The following SEMA5B variants were observed in gnomAD, a reference collection of about 807,000 sequenced individuals.
The protein encoded by SEMA5B is semaphorin 5B, also known as semaphorin-5B.
In SEMA5B, 66 loss-of-function variants were observed where a neutral mutation model predicts 135.0. That is an observed-to-expected ratio of 0.49 (90% CI 0.40 to 0.60). The LOEUF (loss-of-function observed/expected upper bound fraction) is 0.60. SEMA5B is among the 20% of genes least tolerant of loss of function. The pLI is 0.00. For synonymous variants in SEMA5B, 690 were observed against 639.5 expected, an observed-to-expected ratio of 1.08 and a Z score of -1.19; for missense variants, 1,501 against 1,566.3, an observed-to-expected ratio of 0.96 and a Z score of 0.70.
In SEMA5B at chr3:122,922,297, C is replaced by T. The variant is rs1412674320; in HGVS notation, c.1423G>A (p.Val475Met). ...TQDSVRFSHL[V>M]VDLVQAKDTL... is the part of the protein sequence containing the mutation. Reference sequence around the variant, plus strand: ...TCTTTAGCCTGCACCAGGTCCACCACGAGGTGTGAGAAGCGCACGCTGTCC... The same window carrying T: ...TCTTTAGCCTGCACCAGGTCCACCATGAGGTGTGAGAAGCGCACGCTGTCC... Residue 475 changes from valine (V) to methionine (M), a missense_variant, in exon 11 of 23, where the codon GTG (valine) becomes ATG (methionine). Val to Met is a conservative substitution (Grantham distance 21, BLOSUM62 1). Around this residue, in one of 2 missense-constraint regions of SEMA5B, gnomAD observed 574 missense variants for 684.7 expected, o/e 0.84. Coordinates refer to ENST00000357599, the MANE Select transcript of SEMA5B (RefSeq NM_001031702.4). 6.2e-7 allele frequency: 1 copy of T among 1,613,996 alleles called. No individual in the cohort carries two copies. Among genetic ancestry groups the T allele is most frequent in the East Asian group, 2.2e-5 (1 of 44,892 alleles).
At chr3:122,970,003 T>C (rs1333848109) in intron 1 of SEMA5B, among the ~76,000 whole-genome samples, 2 of 152,012 alleles carry the variant, frequency 1.3e-5, no homozygotes, top group East Asian at 1.9e-4. Context: ...TCCTGCAGAG[T>C]TGGGTGGCTC....
chr3:122,961,119 C>A (rs769123313), intron 2 of SEMA5B, 21 bp downstream of exon 2: 5 of 1,586,800 alleles, frequency 3.2e-6, no homozygotes, highest in East Asian at 4.5e-5. Context: ...CAGCCCCCCA[C>A]ACTCCCCTGG....
chr3:122,942,267 C>T (rs575934539), intron 4 of SEMA5B, among the ~76,000 whole-genome samples: 1 of 152,298 alleles, frequency 6.6e-6, no homozygotes, highest in African/African-American at 2.4e-5. Flanking sequence ...TCCCCCAGGA[C>T]AGGAACCCAG....
chr3:123,005,372 A>G (rs751210668), intron 1 of SEMA5B, among the ~76,000 whole-genome samples: 9 of 151,938 alleles, frequency 5.9e-5, no homozygotes, highest in Non-Finnish European at 1.0e-4. Flanking sequence ...TATTATTATT[A>G]TTATTTAGAG....
At chr3:122,996,122 C>T (rs201209812) in intron 1 of SEMA5B, among the ~76,000 whole-genome samples, 119 of 152,280 alleles carry the variant, frequency 7.8e-4, no homozygotes, top group African/African-American at 2.6e-3. Flanking sequence ...CTTGGATGGG[C>T]GCCAGCTGGA....
intron 1 of SEMA5B, among the ~76,000 whole-genome samples, chr3:122,966,800 T>C (rs925688832): frequency 2.7e-5 from 4 of 150,298 alleles, no homozygotes; most frequent in East Asian, 1.9e-4. Context: ...CCTCGTGATC[T>C]GCCCGCCTCG....
At position 122,912,324 on chromosome 3, in the gene SEMA5B, C is replaced by T; in HGVS notation, c.2744G>A (p.Cys915Tyr). 1 of 1,603,670 alleles carries T rather than the reference C, an allele frequency of 6.2e-7. No individual in the cohort carries two copies. Among genetic ancestry groups the T allele is most frequent in the Non-Finnish European group, 8.5e-7 (1 of 1,175,142 alleles). ...QACPVRGAWS[C>Y]WTSWSPCSAS... Reference sequence around the variant, plus strand: ...TGAGCATGGAGACCATGAGGTCCAGCAGGACCAAGCACCCCGAACTGCAAG... The same window carrying T: ...TGAGCATGGAGACCATGAGGTCCAGTAGGACCAAGCACCCCGAACTGCAAG... The change falls in exon 19 of 23, where the codon TGC becomes TAC. Residue 915 changes from cysteine (C) to tyrosine (Y), a missense_variant. This residue lies in a region of SEMA5B where 927 missense variants were observed against 881.6 expected (regional missense o/e 1.05). Coordinates refer to ENST00000357599, the MANE Select transcript of SEMA5B (RefSeq NM_001031702.4).
intron 1 of SEMA5B, among the ~76,000 whole-genome samples, chr3:123,023,014 G>T (rs1942724234): frequency 6.6e-6 from 1 of 152,190 alleles, no homozygotes; most frequent in South Asian, 2.1e-4. Flanking sequence ...ACCCATTAGA[G>T]GATCATCTCC....
chr3:122,926,564 A>T lies in SEMA5B; in HGVS notation c.964T>A (p.Cys322Ser). Residue 322 changes from cysteine to serine, a missense_variant, in exon 9 of 23, where the codon TGC (cysteine) becomes AGC (serine). Cys to Ser is a moderately radical substitution (Grantham distance 112). Coordinates refer to ENST00000357599, the MANE Select transcript of SEMA5B (RefSeq NM_001031702.4). ...RTVYSRVARV[C>S]KNDVGGRFLL... ...AATCGGCCCCCCACGTCATTCTTGCACACGCGGGCCACGCGAGAGTACACG... is the reference window on the plus strand; with the variant it reads ...AATCGGCCCCCCACGTCATTCTTGCTCACGCGGGCCACGCGAGAGTACACG... 1 of 1,614,256 alleles carries T rather than the reference A, an allele frequency of 6.2e-7. No individual in the cohort carries two copies. The highest frequency in any genetic ancestry group is 8.5e-7 in the Non-Finnish European group (1 of 1,180,050).
At chr3:122,919,960 C>A (rs929462895) in intron 12 of SEMA5B, among the ~76,000 whole-genome samples, 5 of 152,178 alleles carry the variant, frequency 3.3e-5, no homozygotes, top group Non-Finnish European at 7.4e-5. Flanking sequence ...CCCTAGCACA[C>A]CCCACTGGAG....
At position 122,910,129 on chromosome 3, in the gene SEMA5B, C is replaced by T. The variant is rs761911950; in HGVS notation, c.*14G>A. 15 of 1,612,606 alleles carry T rather than the reference C, an allele frequency of 9.3e-6. No homozygotes were observed. The South Asian group carries it at 1.7e-4, about 18-fold the overall frequency. On this transcript the variant is annotated 3_prime_UTR_variant, in exon 23 of 23. Coordinates refer to ENST00000357599, the MANE Select transcript of SEMA5B (RefSeq NM_001031702.4). Reference sequence around the variant, plus strand: ...TTATGAAGGCAAGAAGCCCAAGTCCCCAGGACGGCGGTATCAGCTGTTGGG... The same window carrying T: ...TTATGAAGGCAAGAAGCCCAAGTCCTCAGGACGGCGGTATCAGCTGTTGGG...
At chr3:122,939,522 C>A (rs1194045205) in intron 4 of SEMA5B, 52 bp from the exon 5 acceptor site, 2 of 1,484,778 alleles carry the variant, frequency 1.3e-6, no homozygotes, top group Non-Finnish European at 1.9e-6. Context: ...GCAGGCAGGA[C>A]CCAGGGAGCA....
At chr3:123,023,534 G>A (rs1434213785) in intron 1 of SEMA5B, among the ~76,000 whole-genome samples, 2 of 152,078 alleles carry the variant, frequency 1.3e-5, no homozygotes, top group Non-Finnish European at 2.9e-5. Context: ...TTACACCACA[G>A]GTACAAAGTA....
At chr3:122,957,369 G>A (rs1262651448) in intron 2 of SEMA5B, among the ~76,000 whole-genome samples, 1 of 152,236 alleles carries the variant, frequency 6.6e-6, no homozygotes, top group East Asian at 1.9e-4. Flanking sequence ...GTCCAACTGT[G>A]GGGCTTGGCT....
intron 21 of SEMA5B, 170 bp downstream of exon 21, chr3:122,911,321 G>A (rs1197879876): frequency 3.3e-6 from 5 of 1,516,574 alleles, no homozygotes; most frequent in Admixed American, 4.0e-5. Flanking sequence ...TCCTAGCTGG[G>A]GGGGGCATGG....
rs1194836611 is a variant in SEMA5B, at chr3:122,974,575, G to A, written c.-38-13274C>T. Among the ~76,000 whole-genome samples, 5 of 152,176 alleles carry A rather than the reference G, an allele frequency of 3.3e-5. No homozygotes were observed. In the East Asian group the frequency reaches 9.6e-4, roughly 29 times the overall value. ...GGGACACGTGCCTGAGGACTTCTCA[G>A]GTGGATGGTGTCCAGGAGCTGAGCA... is the stretch of plus-strand genomic sequence containing the variant. On this transcript the variant is annotated intron_variant, in intron 1 of 22. Coordinates refer to ENST00000357599, the MANE Select transcript of SEMA5B (RefSeq NM_001031702.4).
intron 1 of SEMA5B, among the ~76,000 whole-genome samples, chr3:122,967,902 T>C (rs1198283059): frequency 6.6e-6 from 1 of 152,182 alleles, no homozygotes; most frequent in Non-Finnish European, 1.5e-5. Flanking sequence ...GACTTCTCTT[T>C]TGGCCCAGGG....
chr3:122,972,870 G>A (rs1006159113), intron 1 of SEMA5B, among the ~76,000 whole-genome samples: 1 of 152,130 alleles, frequency 6.6e-6, no homozygotes, highest in East Asian at 1.9e-4. Context: ...TGCTCAGAGT[G>A]GGAAGTTAGC....
chr3:122,966,551 ATT>A (rs1560378664), intron 1 of SEMA5B, among the ~76,000 whole-genome samples: 1 of 147,338 alleles, frequency 6.8e-6, no homozygotes, highest in African/African-American at 2.6e-5. Context: ...TATTATTATT[ATT>A]ATTATTATTA....
Sources: gnomAD v4.1 joint callset for allele counts (sites outside exome capture counted in the v4.1 genomes callset) on GRCh38, gnomAD v4.1.1 for gene constraint, gnomAD v4.1.1 regional missense constraint, MANE v1.5 for transcripts, NCBI Gene and HGNC (gene_info 2026-07-23, HGNC 2026-07-21) for gene names.